TMEM132D: variants seen among roughly 807,000 people sequenced by gnomAD.
TMEM132D encodes the protein transmembrane protein 132D, also known as mature OL transmembrane protein.
TMEM132D carries 21 observed loss-of-function variants against 62.3 expected under a neutral mutation model. The observed-to-expected ratio is 0.34, with a 90% CI of 0.24 to 0.49. The LOEUF is 0.49. Among genes scored for constraint, TMEM132D ranks in the 20% least tolerant of loss-of-function variants. The pLI, the probability that TMEM132D is intolerant of heterozygous loss-of-function variation, is 0.99. For synonymous variants in TMEM132D, 621 were observed against 575.6 expected (o/e 1.08, Z -1.13); for missense variants, 1,346 against 1,402.8 (o/e 0.96, Z 0.65).
chr12:129,260,258 G>C (rs530914251), intron 4 of TMEM132D, among the ~76,000 whole-genome samples: 2 of 152,124 alleles, frequency 1.3e-5, no homozygotes, highest in African/African-American at 2.4e-5. Flanking sequence ...TGACAGATGA[G>C]GGAGGAACCA....
intron 2 of TMEM132D, among the ~76,000 whole-genome samples, chr12:129,594,026 G>A (rs1335483215): frequency 6.6e-6 from 1 of 152,122 alleles, no homozygotes; most frequent in African/African-American, 2.4e-5. Flanking sequence ...TCCAAGGCAT[G>A]CCAACAGAAA....
intron 3 of TMEM132D, among the ~76,000 whole-genome samples, chr12:129,449,968 GAT>G (rs113058763): frequency 0.043 from 6,523 of 152,212 alleles, 389 homozygotes; most frequent in African/African-American, 0.14. Flanking sequence ...TTTCTCTAAT[GAT>G]CAGTGATGAG....
At chr12:129,552,223 C>A (rs1464050631) in intron 2 of TMEM132D, among the ~76,000 whole-genome samples, 1 of 151,236 alleles carries the variant, frequency 6.6e-6, no homozygotes, top group African/African-American at 2.4e-5. Context: ...GAGTTTGCAA[C>A]AAGAAAGTAA....
chr12:129,202,344 G>A (rs554472014), intron 5 of TMEM132D, among the ~76,000 whole-genome samples: 74 of 152,282 alleles, frequency 4.9e-4, no homozygotes, highest in African/African-American at 1.6e-3. Flanking sequence ...CACGTACCAG[G>A]TGACTCTTTG....
At chr12:129,680,232 A>T (rs1340701161) in intron 2 of TMEM132D, among the ~76,000 whole-genome samples, 1 of 152,234 alleles carries the variant, frequency 6.6e-6, no homozygotes, top group Non-Finnish European at 1.5e-5. Context: ...TCAGATTATC[A>T]TTCCAATTTA....
intron 3 of TMEM132D, among the ~76,000 whole-genome samples, chr12:129,490,423 C>CTTTTT (rs11311745): frequency 7.2e-4 from 42 of 58,550 alleles, no homozygotes; most frequent in Non-Finnish European, 8.1e-4. Flanking sequence ...ATTTCCTTTC[C>CTTTTT]TTTTTTTTTT....
chr12:129,496,912 C>T (rs991418889), intron 3 of TMEM132D, among the ~76,000 whole-genome samples: 5 of 152,342 alleles, frequency 3.3e-5, no homozygotes, highest in Admixed American at 6.5e-5. Context: ...AATGGGTAGG[C>T]TTGGGCCTCC....
At chr12:129,670,726 G>A (rs532550292) in intron 2 of TMEM132D, among the ~76,000 whole-genome samples, 26 of 152,178 alleles carry the variant, frequency 1.7e-4, no homozygotes, top group Non-Finnish European at 3.2e-4. Flanking sequence ...TTGATGAATC[G>A]GCTCTGTCTA....
chr12:129,694,780 G>A (rs920798440), intron 2 of TMEM132D, among the ~76,000 whole-genome samples: 23 of 152,126 alleles, frequency 1.5e-4, no homozygotes, highest in Admixed American at 2.0e-4. Flanking sequence ...AGGCTGAGGC[G>A]GGCAGCTCAC....
intron 2 of TMEM132D, among the ~76,000 whole-genome samples, chr12:129,563,070 C>T (rs8181780): frequency 0.11 from 17,171 of 152,186 alleles, 1,280 homozygotes; most frequent in East Asian, 0.42. Flanking sequence ...GTGTGTACTA[C>T]GTGATCAACA....
At chr12:129,493,656 G>A (rs562700255) in intron 3 of TMEM132D, among the ~76,000 whole-genome samples, 2 of 152,294 alleles carry the variant, frequency 1.3e-5, no homozygotes, top group South Asian at 4.1e-4. Context: ...GTTATCATGT[G>A]CTAGGCTCTA....
At chr12:129,316,996 G>A in intron 4 of TMEM132D, among the ~76,000 whole-genome samples, 1 of 152,064 alleles carries the variant, frequency 6.6e-6, no homozygotes, top group East Asian at 1.9e-4. Context: ...CCATTCGTAT[G>A]ACACTCCTTT....
chr12:129,870,677 G>C (rs188943342), intron 1 of TMEM132D, among the ~76,000 whole-genome samples: 1 of 152,308 alleles, frequency 6.6e-6, no homozygotes, highest in African/African-American at 2.4e-5. Flanking sequence ...GGTGGCTTCT[G>C]TGGGCTGCTT....
chr12:129,184,717 G>A (rs746799909), intron 5 of TMEM132D, among the ~76,000 whole-genome samples: 5 of 152,200 alleles, frequency 3.3e-5, no homozygotes, highest in Admixed American at 2.0e-4. Context: ...GTCTCTTCCC[G>A]GTTGCATGGA....
At chr12:129,652,976 T>C (rs1879970169) in intron 2 of TMEM132D, among the ~76,000 whole-genome samples, 1 of 152,236 alleles carries the variant, frequency 6.6e-6, no homozygotes, top group African/African-American at 2.4e-5. Flanking sequence ...CGTACGTATT[T>C]AAAATTGTCT....
intron 4 of TMEM132D, among the ~76,000 whole-genome samples, chr12:129,306,014 G>A (rs1881838733): frequency 6.6e-6 from 1 of 152,118 alleles, no homozygotes; most frequent in South Asian, 2.1e-4. Context: ...TCAGAGCTCA[G>A]CAACTCACCC....
chr12:129,155,590 G>A (rs1484001660), intron 5 of TMEM132D, among the ~76,000 whole-genome samples: 1 of 152,178 alleles, frequency 6.6e-6, no homozygotes, highest in African/African-American at 2.4e-5. Context: ...CTTGAGGCTG[G>A]GAAGCCCAAT....
chr12:129,498,143 T>G (rs1330122065), intron 3 of TMEM132D, among the ~76,000 whole-genome samples: 1 of 152,194 alleles, frequency 6.6e-6, no homozygotes, highest in African/African-American at 2.4e-5. Context: ...GCTTTAATAA[T>G]GAAATGTTTT....
chr12:129,509,241 A>G (rs1045762728), intron 3 of TMEM132D, among the ~76,000 whole-genome samples: 1 of 152,232 alleles, frequency 6.6e-6, no homozygotes, highest in African/African-American at 2.4e-5. Context: ...ATGAGGGCTT[A>G]GTGAAATATT....
Sources: gnomAD v4.1 joint callset for allele counts (sites outside exome capture counted in the v4.1 genomes callset) on GRCh38, gnomAD v4.1.1 for gene constraint, MANE v1.5 for transcripts, NCBI Gene and HGNC (gene_info 2026-07-23, HGNC 2026-07-21) for gene names.